AKAP8: variants seen among roughly 807,000 people sequenced by gnomAD.
AKAP8 encodes A-kinase anchor protein 8.
Under a neutral mutation model 67.5 loss-of-function variants are expected in AKAP8, and 24 were observed. That is an observed-to-expected ratio of 0.36 (90% CI 0.26 to 0.50). AKAP8 has a LOEUF of 0.50. Among genes scored for constraint, AKAP8 ranks in the 20% least tolerant of loss-of-function variants. The pLI is 0.97. For missense variants in AKAP8, 971 were observed against 955.9 expected (o/e 1.02, Z -0.21); for synonymous variants, 400 against 371.1 (o/e 1.08, Z -0.90).
intron 9 of AKAP8, among the ~76,000 whole-genome samples, chr19:15,367,064 T>C (rs1288409662): frequency 2.0e-5 from 3 of 152,112 alleles, no homozygotes; most frequent in Admixed American, 6.5e-5. Flanking sequence ...CCTGCCACCA[T>C]GCCTGGCTAA....
chr19:15,369,073 T>C lies in AKAP8; in HGVS notation c.1073-751A>G. The C allele has an allele frequency of 4.1e-6, 4 of 985,558 alleles. No individual in the cohort carries two copies. The highest frequency in any genetic ancestry group is 4.8e-6 in the Non-Finnish European group (4 of 830,050). The allele number at this position is 985,558 out of a possible 1,614,324, so 61.1% of individuals were successfully genotyped here. ...TCTGAACTGTAACCCCTACCCCTGATGCCAGTCCCGAGACTGTCCCACGAA... is the reference window on the plus strand; with the variant it reads ...TCTGAACTGTAACCCCTACCCCTGACGCCAGTCCCGAGACTGTCCCACGAA... On this transcript the variant is annotated intron_variant, in intron 8 of 13. Transcript: ENST00000269701. This position sits in a 1 kb window ranked among gnomAD's most constrained non-coding sequence, Gnocchi z 4.6.
chr19:15,363,599 C>T (rs1351081603), intron 9 of AKAP8, among the ~76,000 whole-genome samples: 8 of 151,456 alleles, frequency 5.3e-5, no homozygotes, highest in East Asian at 2.0e-4. Context: ...TCTGCCCGGC[C>T]GCCCCTACTG....
chr19:15,355,002 T>C lies in AKAP8; in HGVS notation c.1992A>G (p.Gln664=). The C allele has an allele frequency of 6.2e-7, 1 of 1,614,188 alleles. No homozygotes were observed. The highest frequency in any genetic ancestry group is 1.3e-5 in the African/African-American group (1 of 75,066). ...ETMAAEAESA[Q]TRVAPAPAAA... ...CAGCTGGGGCAGGAGCAACTCTGGTTTGGGCACTTTCTGCCTCTGCTGCCA... is the reference window on the plus strand; with the variant it reads ...CAGCTGGGGCAGGAGCAACTCTGGTCTGGGCACTTTCTGCCTCTGCTGCCA... Residue 664 remains glutamine (Q), a synonymous_variant, in exon 14 of 14, where the codon CAA becomes CAG. Transcript: ENST00000269701.
At chr19:15,368,604 C>A in intron 8 of AKAP8, 1 of 985,356 alleles carries the variant, frequency 1.0e-6, no homozygotes, top group South Asian at 4.7e-5. Context: ...CCACAGCCCC[C>A]TGCTCCCTCT....
intron 9 of AKAP8, among the ~76,000 whole-genome samples, chr19:15,363,859 C>T (rs1967022379): frequency 6.6e-6 from 1 of 151,404 alleles, no homozygotes; most frequent in Non-Finnish European, 1.5e-5. Context: ...TGACCTTACC[C>T]CCAACCCTGT....
rs75778371 is a variant in AKAP8, at chr19:15,359,138, G to A, written c.1528-76C>T. 6.3e-4 allele frequency: 837 copies of A among 1,321,516 alleles called. 5 individuals are homozygous for A. The African/African-American group carries it at 7.4e-3, about 12-fold the overall frequency. 81.9% of individuals were successfully genotyped at this position (1,321,516 alleles called of 1,614,324 possible). ...GAGAATAAACCAGCCAGGCTCTGCC[G>A]AGTCATCCTGAGATCAGCCCTATGC... On this transcript the variant is annotated intron_variant, in intron 12 of 13. Transcript: ENST00000269701.
At chr19:15,360,813 T>G (rs751536653) in intron 12 of AKAP8, 35 bp downstream of exon 12, 2 of 1,597,674 alleles carry the variant, frequency 1.3e-6, no homozygotes, top group Non-Finnish European at 1.7e-6. Flanking sequence ...AGCCCTGCAA[T>G]GAGCACCCCA....
At chr19:15,361,690 A>T in intron 11 of AKAP8, 39 bp downstream of exon 11, 1 of 1,560,932 alleles carries the variant, frequency 6.4e-7, no homozygotes. Flanking sequence ...ATGCCTTACT[A>T]CCATCCAGGA....
chr19:15,372,228 G>C lies in AKAP8; in HGVS notation c.981C>G (p.Phe327Leu). ...KLARVDSEGD[F>L]SENDDAAGDF... is the part of the protein sequence containing the mutation. ...GCCCCCAGGACATACCATTTTCGGA[G>C]AAATCTCCTTCACTGTCAACCCGGG... Residue 327 changes from phenylalanine (F) to leucine (L), a missense_variant, in exon 6 of 14, where the codon TTC becomes TTG. By Grantham distance (22) the Phe-to-Leu change is conservative (BLOSUM62 0). Around this residue, in one of 3 missense-constraint regions of AKAP8, gnomAD observed 763 missense variants for 745.4 expected, o/e 1.02. Transcript: ENST00000269701. 6.2e-7 allele frequency: 1 copy of C among 1,614,206 alleles called. No homozygotes were observed. Among genetic ancestry groups the C allele is most frequent in the South Asian group, 1.1e-5 (1 of 91,078 alleles).
At chr19:15,373,378 C>T (rs770114846) in intron 4 of AKAP8, 38 bp from the exon 5 acceptor site, 18 of 1,561,638 alleles carry the variant, frequency 1.2e-5, no homozygotes, top group African/African-American at 2.7e-5. Flanking sequence ...GCGGTCACCC[C>T]GATCACCCAC....
intron 9 of AKAP8, among the ~76,000 whole-genome samples, chr19:15,364,085 TAAATAAATAA>T: frequency 6.2e-5 from 1 of 16,090 alleles, no homozygotes; most frequent in Non-Finnish European, 1.1e-4. Context: ...AATAAATAAA[TAAATAAATAA>T]ATTGGCAGTG....
At chr19:15,368,417 C>T in intron 8 of AKAP8, 95 bp from the exon 9 acceptor site, 1 of 1,594,368 alleles carries the variant, frequency 6.3e-7, no homozygotes, top group South Asian at 1.1e-5. Context: ...GGCCACCGCA[C>T]CCTGTGCCCT....
chr19:15,356,017 C>T (rs914617663), intron 13 of AKAP8, among the ~76,000 whole-genome samples: 4 of 152,016 alleles, frequency 2.6e-5, no homozygotes, highest in African/African-American at 4.8e-5. Flanking sequence ...ATTACAGGCA[C>T]GAGCCACCGT....
At chr19:15,377,121 A>C in intron 1 of AKAP8, 107 bp from the exon 2 acceptor site, 4 of 1,316,892 alleles carry the variant, frequency 3.0e-6, no homozygotes, top group Middle Eastern at 3.7e-4. Flanking sequence ...CCAGCCTTAG[A>C]AGAAGGAAGA....
chr19:15,359,284 T>TTAA, intron 12 of AKAP8, among the ~76,000 whole-genome samples: 1 of 152,160 alleles, frequency 6.6e-6, no homozygotes, highest in South Asian at 2.1e-4. Flanking sequence ...GATGCACCAC[T>TTAA]GATACCCATG....
intron 12 of AKAP8, among the ~76,000 whole-genome samples, chr19:15,359,834 G>C (rs952949320): frequency 9.9e-5 from 15 of 151,888 alleles, no homozygotes; most frequent in Non-Finnish European, 2.9e-5. Context: ...CTTTTCAGCT[G>C]ATCTTTAACA....
At chr19:15,359,306 G>A (rs1966927042) in intron 12 of AKAP8, among the ~76,000 whole-genome samples, 1 of 152,238 alleles carries the variant, frequency 6.6e-6, no homozygotes, top group South Asian at 2.1e-4. Flanking sequence ...AGCACATGCA[G>A]AATTGGGGGT....
Position 15,373,625 on chromosome 19 carries a change from T to C in AKAP8, c.371+161A>G, listed in dbSNP as rs565839096. The C allele has an allele frequency of 6.9e-6, 7 of 1,008,192 alleles. No homozygotes were observed. The South Asian group carries it at 1.2e-4, about 17-fold the overall frequency. The allele number at this position is 1,008,192 out of a possible 1,614,324, so 62.5% of individuals were successfully genotyped here. The stretch of plus-strand genomic sequence containing the variant: ...CCCGCCATGAAGAAAAGCAAGGAAG[T>C]CCTACTGTAACATCACTGACCCCCC... On this transcript the variant is annotated intron_variant, in intron 4 of 13. Transcript: ENST00000269701.
chr19:15,355,298 T>A lies in AKAP8; in HGVS notation c.1696A>T (p.Lys566Ter). ...GCCACCTCCTCAGGTGTCTCTTTCT[T>A]ATCCTCACCTCCTAAATTGTCATCT... ...EGDDNLGGED[K>*]KETPEEVAAD... The change falls in exon 14 of 14, where the codon AAG (lysine) becomes TAG (stop). Residue 566 changes from lysine (K) to a stop codon, truncating the protein, a stop_gained. Transcript: ENST00000269701. LOFTEE classifies it low-confidence loss of function (END_TRUNC). 6.2e-7 allele frequency: 1 copy of A among 1,613,788 alleles called. No homozygotes were observed.
Sources: allele counts gnomAD v4.1 joint callset (sites outside exome capture counted in the v4.1 genomes callset), GRCh38; gene constraint gnomAD v4.1.1; regional missense constraint gnomAD v4.1.1; non-coding constraint Gnocchi (gnomAD v3.1); transcripts MANE v1.5; gene names NCBI Gene and HGNC (gene_info 2026-07-23, HGNC 2026-07-21).